PRKD3: variants seen among roughly 807,000 people sequenced by gnomAD.
PRKD3 encodes protein kinase D3.
In PRKD3, 47 loss-of-function variants were observed where a neutral mutation model predicts 99.2. That is an observed-to-expected ratio of 0.47 (90% CI 0.38 to 0.60). PRKD3 has a LOEUF of 0.60. Among genes scored for constraint, PRKD3 ranks in the 20% least tolerant of loss-of-function variants. The pLI is 0.00. For synonymous variants in PRKD3, 392 were observed against 355.4 expected (o/e 1.10, Z -1.16); for missense variants, 1,019 against 1,088.4 (o/e 0.94, Z 0.90).
Position 37,279,810 on chromosome 2 carries a change from T to A in PRKD3, c.1108A>T (p.Met370Leu), listed in dbSNP as rs756873751. The change falls in exon 8 of 19, where the codon ATG (methionine) becomes TTG (leucine). Residue 370 changes from methionine to leucine, a missense_variant. This residue lies in a region of PRKD3 where 710 missense variants were observed against 692.7 expected (regional missense o/e 1.02). Coordinates refer to ENST00000234179, the MANE Select transcript of PRKD3 (RefSeq NM_005813.6). ...AGATCAGATGGATCCAAGAAGAACA[T>A]CTTATCTTCTGGGGGTGATGGCTCT... Reference protein sequence around the residue: ...TEEPSPPEDKMFFLDPSDLDV... With the variant: ...TEEPSPPEDKLFFLDPSDLDV... 2.5e-6 allele frequency: 4 copies of A among 1,613,904 alleles called. No homozygotes were observed. Among genetic ancestry groups the A allele is most frequent in the Admixed American group, 1.7e-5 (1 of 60,000 alleles).
In PRKD3 at chr2:37,289,458, A is replaced by G. The variant is rs562122456; in HGVS notation, c.615T>C (p.Ser205=). The G allele has an allele frequency of 2.5e-6, 4 of 1,613,820 alleles. No individual in the cohort carries two copies. Among genetic ancestry groups the G allele is most frequent in the East Asian group, 4.5e-5 (2 of 44,862 alleles). Residue 205 remains serine, a synonymous_variant, in exon 5 of 19, where the codon AGT becomes AGC. Transcript: ENST00000234179. ...TTGACAGACGTCTCTTTCTTACTCCACTACAGTTATTTGGAATCTTGAAGG... is the reference window on the plus strand; with the variant it reads ...TTGACAGACGTCTCTTTCTTACTCCGCTACAGTTATTTGGAATCTTGAAGG... ...RCAFKIPNNC[S]GVRKRRLSNV...
chr2:37,266,642 G>A lies in PRKD3; in HGVS notation c.1884+788C>T, dbSNP rs142608811. 1.5e-3 allele frequency among the ~76,000 whole-genome samples: 230 copies of A among 152,090 alleles called. 4 individuals carry two copies. In the East Asian group the frequency reaches 0.038, roughly 25 times the overall value. ...GCTGGGATTATGGGCATGCGCCACC[G>A]TGCCCGGCCTAGTTTTTTTGTATTT... On this transcript the variant is annotated intron_variant, in intron 14 of 18. Coordinates refer to ENST00000234179, the MANE Select transcript of PRKD3 (RefSeq NM_005813.6).
chr2:37,314,117 G>C (rs1423201262), intron 2 of PRKD3, among the ~76,000 whole-genome samples: 2 of 152,108 alleles, frequency 1.3e-5, no homozygotes, highest in South Asian at 2.1e-4. Context: ...CTCGAGAAAA[G>C]ATAAGAGAAA....
intron 2 of PRKD3, among the ~76,000 whole-genome samples, chr2:37,308,935 T>G (rs1671293586): frequency 6.6e-6 from 1 of 152,196 alleles, no homozygotes; most frequent in Non-Finnish European, 1.5e-5. Flanking sequence ...CTTCAGTTAT[T>G]GTAGGTTTTT....
chr2:37,266,036 A>G (rs1268125727), intron 14 of PRKD3, among the ~76,000 whole-genome samples: 1 of 152,174 alleles, frequency 6.6e-6, no homozygotes, highest in East Asian at 1.9e-4. Context: ...ACCTGACAAC[A>G]TATTCATACT....
At chr2:37,288,337 T>C (rs1670221672) in intron 5 of PRKD3, among the ~76,000 whole-genome samples, 1 of 152,198 alleles carries the variant, frequency 6.6e-6, no homozygotes. Context: ...GCCGCAGCAC[T>C]CTTTTTATCC....
intron 14 of PRKD3, among the ~76,000 whole-genome samples, chr2:37,265,739 T>A (rs9309003): frequency 0.14 from 22,027 of 152,188 alleles, 2,232 homozygotes; most frequent in East Asian, 0.35. Flanking sequence ...TTAAATTTAG[T>A]ATGAAAATAG....
intron 2 of PRKD3, among the ~76,000 whole-genome samples, chr2:37,298,008 GA>G (rs1174416390): frequency 6.6e-6 from 1 of 151,980 alleles, no homozygotes; most frequent in African/African-American, 2.4e-5. Flanking sequence ...TAAATTATTT[GA>G]AAATCTTCCA....
chr2:37,292,677 G>A (rs1419619710), intron 3 of PRKD3, among the ~76,000 whole-genome samples: 1 of 151,110 alleles, frequency 6.6e-6, no homozygotes, highest in Non-Finnish European at 1.5e-5. Context: ...GACGAGTCTC[G>A]CTCTGTTGTC....
chr2:37,256,263 TCA>T (rs1381309644), intron 17 of PRKD3, among the ~76,000 whole-genome samples: 1 of 152,094 alleles, frequency 6.6e-6, no homozygotes, highest in Non-Finnish European at 1.5e-5. Context: ...ATGGACCATA[TCA>T]CAGATAACTA....
rs528579870 is a variant in PRKD3, at chr2:37,290,647, G to A, written c.559+221C>T. ...CGTTTACTCTTTATGAAACCAGTGG[G>A]GCAGAATGTATTTTACGAGAAATTA... On this transcript the variant is annotated intron_variant, in intron 4 of 18. Coordinates refer to ENST00000234179, the MANE Select transcript of PRKD3 (RefSeq NM_005813.6). 2.6e-5 allele frequency among the ~76,000 whole-genome samples: 4 copies of A among 152,246 alleles called. No individual in the cohort carries two copies. In the South Asian group the frequency reaches 8.3e-4, roughly 32 times the overall value.
intron 6 of PRKD3, among the ~76,000 whole-genome samples, chr2:37,285,648 T>G (rs1670055475): frequency 6.6e-6 from 1 of 152,162 alleles, no homozygotes; most frequent in Non-Finnish European, 1.5e-5. Context: ...CAAAAAGACA[T>G]AAAACCTCAA....
intron 17 of PRKD3, among the ~76,000 whole-genome samples, chr2:37,256,080 G>A (rs149713662): frequency 6.6e-6 from 1 of 152,266 alleles, no homozygotes; most frequent in African/African-American, 2.4e-5. Context: ...CAGTGTAGAG[G>A]AGTAGTCAGG....
intron 13 of PRKD3, 195 bp from the exon 14 acceptor site, chr2:37,267,731 T>C: frequency 2.0e-6 from 1 of 507,504 alleles, no homozygotes; most frequent in Non-Finnish European, 3.4e-6. Context: ...TATTTGCCCC[T>C]AATAAAGTCA....
At chr2:37,291,080 C>A in intron 3 of PRKD3, 81 bp from the exon 4 acceptor site, 1 of 1,259,610 alleles carries the variant, frequency 7.9e-7, no homozygotes, top group Non-Finnish European at 1.1e-6. Context: ...TCACTTATGT[C>A]AAAGTACACA....
At chr2:37,254,986 T>A (rs1572598370) in intron 17 of PRKD3, among the ~76,000 whole-genome samples, 1 of 152,244 alleles carries the variant, frequency 6.6e-6, no homozygotes, top group Non-Finnish European at 1.5e-5. Context: ...CAGCCCTATA[T>A]AATGGTACAT....
At chr2:37,318,993 AAAT>A (rs1186524489) in intron 1 of PRKD3, among the ~76,000 whole-genome samples, 1 of 152,234 alleles carries the variant, frequency 6.6e-6, no homozygotes, top group Non-Finnish European at 1.5e-5. Context: ...ACATCTTGGA[AAAT>A]AATGATTATT....
At chr2:37,324,397 G>A (rs1672024880) in intron 1 of PRKD3, 2 of 176,858 alleles carry the variant, frequency 1.1e-5, no homozygotes, top group Non-Finnish European at 2.2e-5. Context: ...CCGGAACTTG[G>A]CCCCTCTGGC....
intron 13 of PRKD3, 102 bp downstream of exon 13, chr2:37,269,513 C>A (rs1279610374): frequency 1.0e-6 from 1 of 967,904 alleles, no homozygotes; most frequent in African/African-American, 1.6e-5. Flanking sequence ...AAAAAAAAGG[C>A]ACTGGACAAA....
Sources: gnomAD v4.1 joint callset for allele counts (sites outside exome capture counted in the v4.1 genomes callset) on GRCh38, gnomAD v4.1.1 for gene constraint, gnomAD v4.1.1 regional missense constraint, MANE v1.5 for transcripts, NCBI Gene and HGNC (gene_info 2026-07-23, HGNC 2026-07-21) for gene names.